The following DHRSX variants were observed in gnomAD, a reference collection of about 807,000 sequenced individuals.
The protein encoded by DHRSX is dehydrogenase/reductase X-linked.
DHRSX carries 31 observed loss-of-function variants against 34.0 expected under a neutral mutation model. The ratio of observed to expected loss-of-function variants is 0.91; its 90% CI spans 0.69 to 1.23. DHRSX has a LOEUF of 1.23. Among genes scored for constraint, DHRSX ranks in the 50% most tolerant of loss-of-function variants. The pLI, the probability that DHRSX is intolerant of heterozygous loss-of-function variation, is 0.00. For missense variants in DHRSX, 414 were observed against 428.1 expected (o/e 0.97, Z 0.29); for synonymous variants, 201 against 183.8 (o/e 1.09, Z -0.76).
intron 1 of DHRSX, among the ~76,000 whole-genome samples, chrX:2,472,389 C>G (rs2044606771): frequency 6.6e-6 from 1 of 152,066 alleles, no homozygotes; most frequent in Non-Finnish European, 1.5e-5. Context: ...AGTAGGCTTA[C>G]TACCTGGTTG....
chrX:2,343,929 C>T (rs752275800), intron 3 of DHRSX, among the ~76,000 whole-genome samples: 2 of 152,234 alleles, frequency 1.3e-5, no homozygotes, highest in Admixed American at 6.5e-5. Context: ...TAAATGCTGC[C>T]GGCACACAGG....
chrX:2,374,882 G>A lies in DHRSX; in HGVS notation c.286+33863C>T, dbSNP rs2043123116. On this transcript the variant is annotated intron_variant, in intron 3 of 6. Coordinates refer to ENST00000334651, the MANE Select transcript of DHRSX (RefSeq NM_145177.3). ...AGCCCTGGAGTTCAAGACCACCCAG[G>A]GCAAGATAGTGAGACCCTGTCTCTA... is the stretch of plus-strand genomic sequence containing the variant. Among the ~76,000 whole-genome samples the A allele has an allele frequency of 2.9e-5, 4 of 137,452 alleles. 1 individual carries two copies. The South Asian group carries it at 9.2e-4, about 32-fold the overall frequency. The allele number at this position is 137,452 out of a possible 152,430, so 90.2% of individuals were successfully genotyped here. A position where few individuals can be genotyped will look rare whatever the true frequency, so the allele number is the denominator to read the frequency against.
intron 1 of DHRSX, among the ~76,000 whole-genome samples, chrX:2,463,596 T>C (rs2044433491): frequency 6.6e-6 from 1 of 152,134 alleles, no homozygotes; most frequent in Non-Finnish European, 1.5e-5. Context: ...TGGCTGTGAT[T>C]CAGACCATTT....
chrX:2,371,843 G>A (rs181256533), intron 3 of DHRSX, among the ~76,000 whole-genome samples: 341 of 152,168 alleles, frequency 2.2e-3, no homozygotes, highest in Non-Finnish European at 3.8e-3. Context: ...TGTGTATCTG[G>A]TGTCTCTGTC....
Position 2,484,062 on chromosome X carries a change from G to A in DHRSX, c.109+16755C>T, listed in dbSNP as rs764503559. Among the ~76,000 whole-genome samples, 13 of 152,240 alleles carry A rather than the reference G, an allele frequency of 8.5e-5. No homozygotes were observed. In the East Asian group the frequency reaches 2.1e-3, roughly 25 times the overall value. ...ACGATCTTAGCTCACTACAACCTCC[G>A]CCTCCCTGGTTCACGCGATTCTCCT... is the stretch of plus-strand genomic sequence containing the variant. On this transcript the variant is annotated intron_variant, in intron 1 of 6. Coordinates refer to ENST00000334651, the MANE Select transcript of DHRSX (RefSeq NM_145177.3).
At chrX:2,410,397 G>A (rs754739500) in intron 2 of DHRSX, among the ~76,000 whole-genome samples, 2 of 152,302 alleles carry the variant, frequency 1.3e-5, no homozygotes, top group Admixed American at 6.5e-5. Context: ...TGATCTGCAA[G>A]GAGCAGTTAC....
At chrX:2,462,655 G>A (rs1161555045) in intron 1 of DHRSX, among the ~76,000 whole-genome samples, 1 of 152,060 alleles carries the variant, frequency 6.6e-6, no homozygotes, top group Non-Finnish European at 1.5e-5. Flanking sequence ...CAGGAAAGGT[G>A]GGCTTCCCCA....
At chrX:2,331,717 T>C (rs1006179939) in intron 3 of DHRSX, among the ~76,000 whole-genome samples, 2 of 152,104 alleles carry the variant, frequency 1.3e-5, no homozygotes, top group Non-Finnish European at 2.9e-5. Flanking sequence ...CTCAAAGTGC[T>C]GGGATTACAG....
At chrX:2,434,727 C>T (rs777611622) in intron 1 of DHRSX, among the ~76,000 whole-genome samples, 1 of 152,344 alleles carries the variant, frequency 6.6e-6, no homozygotes, top group South Asian at 2.1e-4. Context: ...AGCTATTCCA[C>T]TTCCAAGAAT....
chrX:2,441,778 T>C (rs2044065288), intron 1 of DHRSX, among the ~76,000 whole-genome samples: 1 of 152,142 alleles, frequency 6.6e-6, no homozygotes. Flanking sequence ...TGTTCTACCA[T>C]AAAGACTCAC....
intron 3 of DHRSX, among the ~76,000 whole-genome samples, chrX:2,329,674 T>C (rs2042432848): frequency 6.6e-6 from 1 of 152,114 alleles, no homozygotes; most frequent in Admixed American, 6.6e-5. Context: ...CACTATGACA[T>C]CCACCACTGT....
At chrX:2,317,809 G>A (rs1269491661) in intron 3 of DHRSX, among the ~76,000 whole-genome samples, 2 of 152,148 alleles carry the variant, frequency 1.3e-5, no homozygotes, top group East Asian at 3.9e-4. Context: ...ACATACAGAA[G>A]AGGAAGATGT....
rs1414719311 is a variant in DHRSX, at chrX:2,259,724, C to G, written c.596+7016G>C. On this transcript the variant is annotated intron_variant, in intron 5 of 6. Coordinates refer to ENST00000334651, the MANE Select transcript of DHRSX (RefSeq NM_145177.3). ...CAGGAACCCTTCCTGCCTTTCCCAG[C>G]TTCTGGGGGCTCGGGGAGTCCCTGA... Among the ~76,000 whole-genome samples, 7 of 152,274 alleles carry G rather than the reference C, an allele frequency of 4.6e-5. 1 individual carries two copies. Among genetic ancestry groups the G allele is most frequent in the Admixed American group, 2.0e-4 (3 of 15,278 alleles).
intron 1 of DHRSX, among the ~76,000 whole-genome samples, chrX:2,495,647 A>ACCCTCCTTCCTCCT (rs1357329413): frequency 2.0e-5 from 3 of 150,662 alleles, no homozygotes; most frequent in Admixed American, 6.8e-5. Flanking sequence ...TGCAGTGAGT[A>ACCCTCCTTCCTCCT]CCCTCCTTCC....
chrX:2,469,003 A>G (rs1354589415), intron 1 of DHRSX, among the ~76,000 whole-genome samples: 4 of 145,808 alleles, frequency 2.7e-5, no homozygotes, highest in Non-Finnish European at 6.1e-5. Context: ...ATGCCGCTAA[A>G]AGACAGCACT....
intron 4 of DHRSX, among the ~76,000 whole-genome samples, chrX:2,285,747 A>G (rs777655614): frequency 9.5e-4 from 144 of 152,330 alleles, no homozygotes; most frequent in African/African-American, 3.4e-3. Context: ...CTCTATTTAC[A>G]TAAGTTGACA....
intron 3 of DHRSX, among the ~76,000 whole-genome samples, chrX:2,294,633 C>G (rs1199454715): frequency 6.7e-6 from 1 of 149,054 alleles, no homozygotes; most frequent in African/African-American, 2.5e-5. Flanking sequence ...CCACTGCACT[C>G]CAGCCTGGGT....
intron 1 of DHRSX, chrX:2,488,614 G>T (rs531609492): frequency 1.3e-6 from 2 of 1,571,546 alleles, no homozygotes; most frequent in African/African-American, 1.4e-5. Context: ...GGGATGACTT[G>T]TAAGACAACA....
chrX:2,481,560 G>A (rs912010113), intron 1 of DHRSX, among the ~76,000 whole-genome samples: 3 of 151,940 alleles, frequency 2.0e-5, no homozygotes, highest in Non-Finnish European at 2.9e-5. Context: ...CAGCTACTCA[G>A]GAGGCTGAGA....
Sources: gnomAD v4.1 joint callset for allele counts (sites outside exome capture counted in the v4.1 genomes callset) on GRCh38, gnomAD v4.1.1 for gene constraint, MANE v1.5 for transcripts, NCBI Gene and HGNC (gene_info 2026-07-23, HGNC 2026-07-21) for gene names.